CCL18: variants seen among roughly 807,000 people sequenced by gnomAD.
The protein encoded by CCL18 is C-C motif chemokine ligand 18.
A neutral mutation model predicts 8.0 loss-of-function variants in CCL18; 7 were observed. The observed-to-expected ratio is 0.87, with a 90% CI of 0.50 to 1.64. The LOEUF (loss-of-function observed/expected upper bound fraction) is 1.64, where lower values mean the gene tolerates loss of function less well. Ranked by LOEUF, CCL18 falls within the 40% of genes most tolerant of loss-of-function variation. CCL18 has a pLI of 0.00. For synonymous variants in CCL18, 35 were observed against 41.3 expected (o/e 0.85, Z 0.59); for missense variants, 95 against 107.8 (o/e 0.88, Z 0.52).
intron 2 of CCL18, 38 bp downstream of exon 2, chr17:36,070,596 G>A (rs760971191): frequency 4.4e-5 from 58 of 1,315,566 alleles, no homozygotes; most frequent in Non-Finnish European, 6.2e-5. Context: ...TCGGGAGGGA[G>A]GATGGGAGGT....
intron 1 of CCL18, 77 bp from the exon 2 acceptor site, chr17:36,070,370 C>G: frequency 2.4e-6 from 2 of 849,528 alleles, no homozygotes; most frequent in South Asian, 2.9e-5. Context: ...CTTCCTGACT[C>G]TCAAGGAAAG....
Position 36,064,416 on chromosome 17 carries a change from C to T in CCL18, c.67+7C>T, listed in dbSNP as rs749763771. On this transcript the variant is annotated splice_region_variant and intron_variant, in intron 1 of 2. Transcript: ENST00000616054. ...CTCTGCTCCTGTGCACAAGGTGAGT[C>T]TGTCATCCATGTGCTTTGATGGCTC... The T allele has an allele frequency of 3.7e-6, 6 of 1,611,314 alleles. No individual in the cohort carries two copies. Among genetic ancestry groups the T allele is most frequent in the Non-Finnish European group, 5.1e-6 (6 of 1,177,722 alleles).
Position 36,064,356 on chromosome 17 carries a change from C to A in CCL18, c.14C>A (p.Ala5Glu), listed in dbSNP as rs878943325. Residue 5 changes from alanine to glutamate, a missense_variant, in exon 1 of 3, where the codon GCA (alanine) becomes GAA (glutamate). By Grantham distance (107) the Ala-to-Glu change is moderately radical. Transcript: ENST00000616054. ...CTGCCCAGCATCATGAAGGGCCTTG[C>A]AGCTGCCCTCCTTGTCCTCGTCTGC... is the stretch of plus-strand genomic sequence containing the variant. MKGL[A>E]AALLVLVCTM... The A allele has an allele frequency of 8.1e-6, 13 of 1,613,848 alleles. No individual in the cohort carries two copies. In the South Asian group the frequency reaches 1.1e-4, roughly 14 times the overall value.
Position 36,070,511 on chromosome 17 carries a change from A to G in CCL18, c.132A>G (p.Ile44Met). 1 of 1,614,074 alleles carries G rather than the reference A, an allele frequency of 6.2e-7. No homozygotes were observed. Among genetic ancestry groups the G allele is most frequent in the Non-Finnish European group, 8.5e-7 (1 of 1,179,892 alleles). ...YTSWQIPQKF[I>M]VDYSETSPQC... ...CCTGGCAGATTCCACAAAAGTTCAT[A>G]GTTGACTATTCTGAAACCAGCCCCC... Residue 44 changes from isoleucine to methionine, a missense_variant, in exon 2 of 3, where the codon ATA becomes ATG. By Grantham distance (10) the Ile-to-Met change is conservative (BLOSUM62 1). Coordinates refer to ENST00000616054, the MANE Select transcript of CCL18 (RefSeq NM_002988.4).
At chr17:36,067,799 G>A (rs2066845215) in intron 1 of CCL18, among the ~76,000 whole-genome samples, 1 of 152,170 alleles carries the variant, frequency 6.6e-6, no homozygotes. Context: ...GAATGATTTG[G>A]AAAAGTCTTT....
At chr17:36,068,824 A>G (rs2066850555) in intron 1 of CCL18, among the ~76,000 whole-genome samples, 1 of 152,176 alleles carries the variant, frequency 6.6e-6, no homozygotes, top group Non-Finnish European at 1.5e-5. Context: ...GCTGTTAAAC[A>G]AACTCAGGGA....
intron 1 of CCL18, among the ~76,000 whole-genome samples, chr17:36,069,019 TAA>T (rs144277762): frequency 1.8e-4 from 27 of 148,778 alleles, no homozygotes; most frequent in East Asian, 5.9e-4. Context: ...CCAGCTACTT[TAA>T]AAAAAAAAAA....
Position 36,071,022 on chromosome 17 carries a change from A to T in CCL18, c.251A>T (p.Asp84Val). ...AAGTGGGTCCAGAAATACATCAGCG[A>T]CCTGAAGCTGAATGCCTGAGGGGCC... Reference protein sequence around the residue: ...NKKWVQKYISDLKLNA With the variant: ...NKKWVQKYISVLKLNA The change falls in exon 3 of 3, where the codon GAC becomes GTC. Residue 84 changes from aspartate to valine, a missense_variant. Coordinates refer to ENST00000616054, the MANE Select transcript of CCL18 (RefSeq NM_002988.4). The T allele has an allele frequency of 6.2e-7, 1 of 1,612,920 alleles. No individual in the cohort carries two copies. Among genetic ancestry groups the T allele is most frequent in the Non-Finnish European group, 8.5e-7 (1 of 1,178,902 alleles).
chr17:36,064,557 T>G lies in CCL18; in HGVS notation c.67+148T>G. On this transcript the variant is annotated intron_variant, in intron 1 of 2. Coordinates refer to ENST00000616054, the MANE Select transcript of CCL18 (RefSeq NM_002988.4). ...ACATCATTGTTTTCTTCAAGAAGGT[T>G]GAAAAGCAGTCTATTGATCTGGGCA... 9.3e-6 allele frequency: 6 copies of G among 647,522 alleles called. No individual in the cohort carries two copies. The South Asian group carries it at 9.3e-5, about 10-fold the overall frequency. 40.1% of individuals were successfully genotyped at this position (647,522 alleles called of 1,614,324 possible).
chr17:36,071,500 T>A lies in CCL18; in HGVS notation c.*459T>A. ...ACTGTGACGACTCTGTTGATTTTGT[T>A]TCACTAATCGGAATCACAGACTGAG... On this transcript the variant is annotated 3_prime_UTR_variant, in exon 3 of 3. Transcript: ENST00000616054. 1 of 154,704 alleles carries A rather than the reference T, an allele frequency of 6.5e-6. No individual in the cohort carries two copies. Among genetic ancestry groups the A allele is most frequent in the East Asian group, 1.9e-4 (1 of 5,240 alleles). The allele number at this position is 154,704 out of a possible 1,614,324, so 9.6% of individuals were successfully genotyped here. A position where few individuals can be genotyped will look rare whatever the true frequency, so the allele number is the denominator to read the frequency against.
chr17:36,069,009 C>G (rs2066851344), intron 1 of CCL18, among the ~76,000 whole-genome samples: 1 of 139,562 alleles, frequency 7.2e-6, no homozygotes, highest in African/African-American at 2.6e-5. Context: ...ACAGGCATGC[C>G]CAGCTACTTT....
chr17:36,070,558 T>G lies in CCL18; in HGVS notation c.179T>G (p.Ile60Ser). The G allele has an allele frequency of 6.3e-7, 1 of 1,587,988 alleles. No homozygotes were observed. The change falls in exon 2 of 3, where the codon ATC becomes AGC. Residue 60 changes from isoleucine (I) to serine (S), a missense_variant and splice_region_variant. Coordinates refer to ENST00000616054, the MANE Select transcript of CCL18 (RefSeq NM_002988.4). ...TSPQCPKPGV[I>S]LLTKRGRQIC... Reference sequence around the variant, plus strand: ...CCCCAGTGCCCCAAGCCAGGTGTCATGTAAGTGCCAGTGCTCCTGCCCACC... The same window carrying G: ...CCCCAGTGCCCCAAGCCAGGTGTCAGGTAAGTGCCAGTGCTCCTGCCCACC...
chr17:36,066,340 C>T (rs545884731), intron 1 of CCL18, among the ~76,000 whole-genome samples: 1 of 152,218 alleles, frequency 6.6e-6, no homozygotes, highest in Admixed American at 6.5e-5. Flanking sequence ...ATGGAGGGCA[C>T]CAAAGAAGAC....
rs752837570 is a variant in CCL18, at chr17:36,070,483, C to A, written c.104C>A (p.Thr35Asn). Residue 35 changes from threonine (T) to asparagine (N), a missense_variant, in exon 2 of 3, where the codon ACC (threonine) becomes AAC (asparagine). Physicochemically the swap from Thr to Asn is moderately conservative, Grantham distance 65. Coordinates refer to ENST00000616054, the MANE Select transcript of CCL18 (RefSeq NM_002988.4). ...TNKELCCLVY[T>N]SWQIPQKFIV... The stretch of plus-strand genomic sequence containing the variant: ...AAAGAGCTCTGCTGCCTCGTCTATA[C>A]CTCCTGGCAGATTCCACAAAAGTTC... 15 of 1,613,744 alleles carry A rather than the reference C, an allele frequency of 9.3e-6. No homozygotes were observed. In the South Asian group the frequency reaches 1.4e-4, roughly 15 times the overall value.
intron 1 of CCL18, among the ~76,000 whole-genome samples, chr17:36,065,790 C>T (rs996253219): frequency 6.6e-6 from 1 of 152,196 alleles, no homozygotes; most frequent in Non-Finnish European, 1.5e-5. Flanking sequence ...TTGAGTGTTT[C>T]TTTTAAATCT....
chr17:36,070,395 T>A, intron 1 of CCL18, 52 bp from the exon 2 acceptor site: 1 of 1,101,090 alleles, frequency 9.1e-7, no homozygotes, highest in South Asian at 1.3e-5. Flanking sequence ...CAGGAGCAGC[T>A]GGCTTGCCTT....
At chr17:36,070,640 C>G in intron 2 of CCL18, 82 bp downstream of exon 2, 2 of 870,096 alleles carry the variant, frequency 2.3e-6, no homozygotes, top group Non-Finnish European at 3.8e-6. Context: ...ACTCAGCTCT[C>G]TAAGGCCCAT....
chr17:36,071,080 GC>G lies in CCL18; in HGVS notation c.*42del. 1 of 1,451,422 alleles carries G rather than the reference GC, an allele frequency of 6.9e-7. No individual in the cohort carries two copies. Among genetic ancestry groups the G allele is most frequent in the Non-Finnish European group, 9.6e-7 (1 of 1,037,820 alleles). The allele number at this position is 1,451,422 out of a possible 1,614,324, so 89.9% of individuals were successfully genotyped here. On this transcript the variant is annotated 3_prime_UTR_variant, in exon 3 of 3. Coordinates refer to ENST00000616054, the MANE Select transcript of CCL18 (RefSeq NM_002988.4). ...TGCGAGGGCCCAGTGAACTTGGTGG[GC>G]CCAGGAGGGAACAGGAGCCTGAGCC...
intron 1 of CCL18, 62 bp downstream of exon 1, chr17:36,064,471 A>C: frequency 1.5e-6 from 2 of 1,309,956 alleles, no homozygotes; most frequent in Non-Finnish European, 2.2e-6. Context: ...ACATCTTCCA[A>C]GTGCTGTGGC....
Sources: allele counts gnomAD v4.1 joint callset (sites outside exome capture counted in the v4.1 genomes callset), GRCh38; gene constraint gnomAD v4.1.1; transcripts MANE v1.5; gene names NCBI Gene and HGNC (gene_info 2026-07-23, HGNC 2026-07-21).